RGS7: variants seen among roughly 807,000 people sequenced by gnomAD.
The protein encoded by RGS7 is regulator of G-protein signaling 7.
A neutral mutation model predicts 81.1 loss-of-function variants in RGS7; 27 were observed. The ratio of observed to expected loss-of-function variants is 0.33; its 90% CI spans 0.25 to 0.46. The LOEUF is 0.46. RGS7 is among the 20% of genes least tolerant of loss of function. RGS7 has a pLI of 1.00. For synonymous variants in RGS7, 208 were observed against 207.7 expected (o/e 1.00, Z -0.01); for missense variants, 396 against 607.4 (o/e 0.65, Z 3.66).
chr1:241,238,935 A>G (rs575092756), intron 2 of RGS7, among the ~76,000 whole-genome samples: 5 of 150,064 alleles, frequency 3.3e-5, no homozygotes, highest in East Asian at 2.0e-4. Context: ...TAATTGGCCA[A>G]TGAGTCTCCA....
At chr1:241,338,040 T>C (rs1467970889) in intron 2 of RGS7, among the ~76,000 whole-genome samples, 1 of 152,226 alleles carries the variant, frequency 6.6e-6, no homozygotes, top group Non-Finnish European at 1.5e-5. Context: ...TGAGTGATTT[T>C]TCAGAATGTG....
At chr1:240,830,412 G>A (rs202019094) in intron 9 of RGS7, among the ~76,000 whole-genome samples, 17 of 152,186 alleles carry the variant, frequency 1.1e-4, no homozygotes, top group East Asian at 3.8e-4. Context: ...AGCAGAAATC[G>A]ACAAGGATCT....
chr1:241,202,396 T>A (rs187207656), intron 2 of RGS7, among the ~76,000 whole-genome samples: 1 of 152,270 alleles, frequency 6.6e-6, no homozygotes, highest in African/African-American at 2.4e-5. Flanking sequence ...TGAAAATCAC[T>A]GACAAAAGGC....
chr1:240,810,445 CTT>C (rs5782164), intron 14 of RGS7, among the ~76,000 whole-genome samples: 4,830 of 124,420 alleles, frequency 0.039, 70 homozygotes, highest in African/African-American at 0.044. Context: ...TTAATGCATT[CTT>C]TTTTTTTTTT....
intron 2 of RGS7, among the ~76,000 whole-genome samples, chr1:241,291,448 C>T (rs6685667): frequency 0.3 from 44,940 of 151,700 alleles, 6,943 homozygotes; most frequent in African/African-American, 0.38. Context: ...AGGATGACAA[C>T]TAGGGTGGAA....
chr1:241,305,861 C>T (rs758100385), intron 2 of RGS7: 2 of 308,126 alleles, frequency 6.5e-6, no homozygotes, highest in Admixed American at 3.6e-5. Context: ...TTTGTTGAGG[C>T]CCACGGCCAT....
intron 3 of RGS7, among the ~76,000 whole-genome samples, chr1:241,047,352 C>G (rs1224307590): frequency 6.6e-6 from 1 of 152,104 alleles, no homozygotes; most frequent in East Asian, 1.9e-4. Flanking sequence ...ATCCAACTCC[C>G]TTTCTTTTCC....
At chr1:241,044,575 C>T (rs1393432492) in intron 3 of RGS7, among the ~76,000 whole-genome samples, 3 of 152,034 alleles carry the variant, frequency 2.0e-5, no homozygotes, top group African/African-American at 7.3e-5. Flanking sequence ...GGTTATGCCA[C>T]CATGCTCAGC....
intron 6 of RGS7, among the ~76,000 whole-genome samples, chr1:240,918,685 G>A (rs1672990197): frequency 1.3e-5 from 2 of 151,790 alleles, no homozygotes; most frequent in Non-Finnish European, 2.9e-5. Context: ...AAAACTAGAA[G>A]AACAAAAGCA....
At chr1:241,114,417 C>A (rs536438578) in intron 2 of RGS7, among the ~76,000 whole-genome samples, 2 of 152,104 alleles carry the variant, frequency 1.3e-5, no homozygotes, top group East Asian at 3.9e-4. Context: ...TGGTGGTGGA[C>A]GATTACCTTG....
chr1:240,848,046 T>C (rs553307861), intron 9 of RGS7, among the ~76,000 whole-genome samples: 1 of 152,318 alleles, frequency 6.6e-6, no homozygotes, highest in South Asian at 2.1e-4. Flanking sequence ...ATAGGGGTTC[T>C]TATTCAGGGG....
chr1:241,284,059 C>T (rs1051788536), intron 2 of RGS7, among the ~76,000 whole-genome samples: 1 of 152,052 alleles, frequency 6.6e-6, no homozygotes, highest in African/African-American at 2.4e-5. Flanking sequence ...GTTTGCATTG[C>T]TTATTGAATC....
At chr1:240,942,004 T>C (rs548104674) in intron 4 of RGS7, among the ~76,000 whole-genome samples, 1 of 152,194 alleles carries the variant, frequency 6.6e-6, no homozygotes, top group South Asian at 2.1e-4. Flanking sequence ...CCAGCTTATT[T>C]TTTTGTTTGG....
In RGS7 at chr1:240,944,289, T is replaced by TGC. The variant is rs1377977750; in HGVS notation, c.227-7584_227-7583insGC. On this transcript the variant is annotated intron_variant, in intron 4 of 18. Coordinates refer to ENST00000440928, the MANE Select transcript of RGS7 (RefSeq NM_001364886.1). The stretch of plus-strand genomic sequence containing the variant: ...GTGTGTGTGTGTGTGTGTGTATATA[T>TGC]ATATATATATATATATATATATATA... Among the ~76,000 whole-genome samples the TGC allele has an allele frequency of 5.1e-3, 89 of 17,300 alleles. 1 individual carries two copies. The highest frequency in any genetic ancestry group is 0.013 in the Non-Finnish European group (81 of 6,416). The allele number at this position is 17,300 out of a possible 152,430, so 11.3% of individuals were successfully genotyped here.
chr1:240,902,014 C>A (rs1195431081), intron 6 of RGS7, among the ~76,000 whole-genome samples: 1 of 152,142 alleles, frequency 6.6e-6, no homozygotes, highest in African/African-American at 2.4e-5. Context: ...GTCAATAGAG[C>A]CATCGAAATG....
At chr1:241,220,155 A>G (rs1310278837) in intron 2 of RGS7, among the ~76,000 whole-genome samples, 1 of 152,186 alleles carries the variant, frequency 6.6e-6, no homozygotes, top group Non-Finnish European at 1.5e-5. Context: ...GACCATGGAG[A>G]AAATGTATTT....
intron 2 of RGS7, among the ~76,000 whole-genome samples, chr1:241,350,115 G>T (rs1480855767): frequency 6.6e-6 from 1 of 152,124 alleles, no homozygotes; most frequent in Non-Finnish European, 1.5e-5. Context: ...CAACTGGCAA[G>T]GAAAGAGCTC....
intron 3 of RGS7, among the ~76,000 whole-genome samples, chr1:241,057,948 A>C (rs2061554206): frequency 6.6e-6 from 1 of 152,192 alleles, no homozygotes; most frequent in South Asian, 2.1e-4. Flanking sequence ...GTAGATAGTC[A>C]GGCATGAGTA....
At chr1:241,057,711 C>T (rs551497003) in intron 3 of RGS7, among the ~76,000 whole-genome samples, 180 of 151,978 alleles carry the variant, frequency 1.2e-3, no homozygotes, top group Middle Eastern at 6.8e-3. Context: ...GTCAGGAGTT[C>T]GAGACCAGCC....
Sources: gnomAD v4.1 joint callset for allele counts (sites outside exome capture counted in the v4.1 genomes callset) on GRCh38, gnomAD v4.1.1 for gene constraint, MANE v1.5 for transcripts, NCBI Gene and HGNC (gene_info 2026-07-23, HGNC 2026-07-21) for gene names.